PPARGC1A: variants seen among roughly 807,000 people sequenced by gnomAD.
PPARGC1A encodes peroxisome proliferator-activated receptor gamma coactivator 1-alpha.
A neutral mutation model predicts 88.7 loss-of-function variants in PPARGC1A; 25 were observed. That is an observed-to-expected ratio of 0.28 (90% CI 0.21 to 0.39). PPARGC1A has a LOEUF of 0.39. Among genes scored for constraint, PPARGC1A ranks in the 10% least tolerant of loss-of-function variants. PPARGC1A has a pLI of 1.00. For synonymous variants in PPARGC1A, 363 were observed against 355.6 expected, an observed-to-expected ratio of 1.02 and a Z score of -0.24; for missense variants, 880 against 968.7, an observed-to-expected ratio of 0.91 and a Z score of 1.22.
the PPARGC1A span, among the ~76,000 whole-genome samples, chr4:24,028,910 T>A: frequency 2.9e-3 from 448 of 152,322 alleles, 2 homozygotes; most frequent in Middle Eastern, 0.01. Flanking sequence ...TTTACTTTTA[T>A]TTTTCTATTA....
chr4:24,378,150 A>T, the PPARGC1A span, among the ~76,000 whole-genome samples: 1 of 152,126 alleles, frequency 6.6e-6, no homozygotes, highest in Non-Finnish European at 1.5e-5. Context: ...CAGCCTGGCC[A>T]ACATGGTAAA....
At chr4:24,339,229 T>TACACACACACACAC in the PPARGC1A span, among the ~76,000 whole-genome samples, 48 of 100,068 alleles carry the variant, frequency 4.8e-4, no homozygotes, top group African/African-American at 1.6e-3. Flanking sequence ...TATATATATA[T>TACACACACACACAC]ATATATATAC....
chr4:24,242,830 G>A, the PPARGC1A span, among the ~76,000 whole-genome samples: 3 of 152,096 alleles, frequency 2.0e-5, no homozygotes, highest in East Asian at 1.9e-4. Flanking sequence ...TCTTCCTGAC[G>A]GGGATGCCAG....
chr4:24,272,646 C>G, the PPARGC1A span, among the ~76,000 whole-genome samples: 1 of 152,180 alleles, frequency 6.6e-6, no homozygotes, highest in Admixed American at 6.5e-5. Context: ...CTTCCAGTTC[C>G]AAGATCCTCA....
chr4:23,846,143 A>T (rs1027615954), intron 2 of PPARGC1A, among the ~76,000 whole-genome samples: 3 of 152,226 alleles, frequency 2.0e-5, no homozygotes, highest in Non-Finnish European at 4.4e-5. Context: ...GGATCTGGAT[A>T]AAAATGTAAG....
the PPARGC1A span, among the ~76,000 whole-genome samples, chr4:24,232,646 A>T: frequency 3.3e-5 from 5 of 152,322 alleles, no homozygotes; most frequent in East Asian, 9.7e-4. Flanking sequence ...TTTTTAAAAA[A>T]TTTATAAAGA....
the PPARGC1A span, among the ~76,000 whole-genome samples, chr4:24,395,814 T>C: frequency 1.3e-5 from 2 of 152,318 alleles, no homozygotes; most frequent in Admixed American, 6.5e-5. Context: ...CCATTGTAAG[T>C]GGCAGGGCCT....
chr4:23,928,783 C>CAAAAA, the PPARGC1A span, among the ~76,000 whole-genome samples: 1 of 119,162 alleles, frequency 8.4e-6, no homozygotes. Context: ...AAAAAAACAA[C>CAAAAA]AAAAAAAAAA....
the PPARGC1A span, among the ~76,000 whole-genome samples, chr4:24,468,087 T>C: frequency 6.6e-6 from 1 of 152,158 alleles, no homozygotes; most frequent in Non-Finnish European, 1.5e-5. Flanking sequence ...TTCAATATCA[T>C]ACAGACCTGG....
At chr4:23,809,483 CT>C (rs1183721619) in intron 10 of PPARGC1A, among the ~76,000 whole-genome samples, 5 of 152,032 alleles carry the variant, frequency 3.3e-5, no homozygotes, top group African/African-American at 1.2e-4. Flanking sequence ...CTCAATATAC[CT>C]TATTCTTTTT....
At chr4:23,906,706 A>G (rs943924730), upstream of PPARGC1A, among the ~76,000 whole-genome samples, 2 of 152,142 alleles carry the variant, frequency 1.3e-5, no homozygotes, top group East Asian at 3.8e-4. Flanking sequence ...AGACCTTAAC[A>G]AATAGACTTT....
chr4:23,930,327 T>C, the PPARGC1A span, among the ~76,000 whole-genome samples: 3 of 152,152 alleles, frequency 2.0e-5, no homozygotes, highest in African/African-American at 7.2e-5. Context: ...AATAATAAAT[T>C]ATAGCATTTC....
At chr4:24,089,414 T>A in the PPARGC1A span, among the ~76,000 whole-genome samples, 35 of 152,142 alleles carry the variant, frequency 2.3e-4, no homozygotes, top group African/African-American at 5.5e-4. Flanking sequence ...GCTGACACCC[T>A]ATGACATACT....
upstream of PPARGC1A, among the ~76,000 whole-genome samples, chr4:23,907,292 T>C (rs16874337): frequency 0.041 from 6,261 of 152,270 alleles, 409 homozygotes; most frequent in African/African-American, 0.14. Flanking sequence ...GTTGCATGCA[T>C]TGATTCTGTA....
chr4:24,238,981 T>C, the PPARGC1A span, among the ~76,000 whole-genome samples: 2 of 152,170 alleles, frequency 1.3e-5, no homozygotes, highest in Non-Finnish European at 2.9e-5. Context: ...GAAATAATAA[T>C]GGTTAATATA....
At chr4:24,028,632 T>G in the PPARGC1A span, among the ~76,000 whole-genome samples, 1 of 152,230 alleles carries the variant, frequency 6.6e-6, no homozygotes, top group South Asian at 2.1e-4. Context: ...CTTGCAATAC[T>G]GGCTCCTCAT....
chr4:24,436,945 C>T, the PPARGC1A span, among the ~76,000 whole-genome samples: 3 of 150,780 alleles, frequency 2.0e-5, no homozygotes, highest in Non-Finnish European at 4.4e-5. Flanking sequence ...CAGGTCGCAC[C>T]CAGGAGTGTC....
chr4:24,142,984 T>A, the PPARGC1A span, among the ~76,000 whole-genome samples: 1 of 152,160 alleles, frequency 6.6e-6, no homozygotes, highest in Admixed American at 6.6e-5. Context: ...GTGTGCTTAG[T>A]AACAGAAACA....
At chr4:24,161,477 C>T in the PPARGC1A span, among the ~76,000 whole-genome samples, 53 of 152,274 alleles carry the variant, frequency 3.5e-4, no homozygotes, top group African/African-American at 1.1e-3. Context: ...TAAGAGGCCA[C>T]TTAACTCCTT....
Sources: allele counts gnomAD v4.1 joint callset (sites outside exome capture counted in the v4.1 genomes callset), GRCh38; gene constraint gnomAD v4.1.1; transcripts MANE v1.5; gene names NCBI Gene and HGNC (gene_info 2026-07-23, HGNC 2026-07-21).